HIBADH: variants seen among roughly 807,000 people sequenced by gnomAD.
The protein encoded by HIBADH is 3-hydroxyisobutyrate dehydrogenase.
A neutral mutation model predicts 36.1 loss-of-function variants in HIBADH; 25 were observed. The observed-to-expected ratio is 0.69, with a 90% CI of 0.50 to 0.97. The LOEUF (loss-of-function observed/expected upper bound fraction) is 0.97, where lower values mean the gene tolerates loss of function less well. Among genes scored for constraint, HIBADH ranks in the 50% least tolerant of loss-of-function variants. The pLI is 0.00. For synonymous variants in HIBADH, 160 were observed against 149.5 expected, an observed-to-expected ratio of 1.07 and a Z score of -0.51; for missense variants, 421 against 418.0, an observed-to-expected ratio of 1.01 and a Z score of -0.06.
At chr7:27,529,943 C>T (rs1225336179) in intron 7 of HIBADH, among the ~76,000 whole-genome samples, 2 of 152,170 alleles carry the variant, frequency 1.3e-5, no homozygotes, top group East Asian at 1.9e-4. Flanking sequence ...GACCTTCCAC[C>T]AGCAAAAAAG....
intron 4 of HIBADH, among the ~76,000 whole-genome samples, chr7:27,625,225 A>AC: frequency 6.6e-6 from 1 of 152,162 alleles, no homozygotes; most frequent in East Asian, 1.9e-4. Context: ...AGAAAGGCAT[A>AC]CCTTTTTCTT....
intron 4 of HIBADH, among the ~76,000 whole-genome samples, chr7:27,607,388 A>G (rs1785247587): frequency 6.6e-6 from 1 of 152,290 alleles, no homozygotes; most frequent in East Asian, 1.9e-4. Context: ...TCATGCCTAT[A>G]ATCCCAGCTA....
intron 2 of HIBADH, among the ~76,000 whole-genome samples, chr7:27,637,556 T>A (rs1261472897): frequency 6.6e-6 from 1 of 152,136 alleles, no homozygotes; most frequent in Admixed American, 6.6e-5. Flanking sequence ...GGATGCCCTA[T>A]CTCATCACTC....
intron 4 of HIBADH, among the ~76,000 whole-genome samples, chr7:27,588,652 A>G (rs1784898428): frequency 6.6e-6 from 1 of 152,234 alleles, no homozygotes; most frequent in South Asian, 2.1e-4. Context: ...ATTTTAAAAT[A>G]TATCATGAAA....
intron 4 of HIBADH, among the ~76,000 whole-genome samples, chr7:27,549,678 A>G (rs1275973330): frequency 6.6e-6 from 1 of 152,186 alleles, no homozygotes; most frequent in Non-Finnish European, 1.5e-5. Context: ...GATAAACTGA[A>G]TTGAAGCTTG....
At chr7:27,592,657 C>G (rs1339073907) in intron 4 of HIBADH, among the ~76,000 whole-genome samples, 1 of 152,138 alleles carries the variant, frequency 6.6e-6, no homozygotes, top group Non-Finnish European at 1.5e-5. Context: ...ATATCTATAT[C>G]TCTAGCTCAA....
At chr7:27,647,633 G>A (rs1289259325) in intron 2 of HIBADH, 1 of 305,876 alleles carries the variant, frequency 3.3e-6, no homozygotes, top group East Asian at 8.8e-5. Context: ...TTCATGCAGG[G>A]ATAAGCCTTA....
At chr7:27,649,775 A>G in intron 1 of HIBADH, 142 bp from the exon 2 acceptor site, 1 of 651,052 alleles carries the variant, frequency 1.5e-6, no homozygotes, top group Non-Finnish European at 2.4e-6. Flanking sequence ...GTGCACACCT[A>G]TAATCCCAGC....
intron 6 of HIBADH, among the ~76,000 whole-genome samples, chr7:27,532,807 T>C (rs969770457): frequency 2.6e-5 from 4 of 152,232 alleles, no homozygotes; most frequent in Non-Finnish European, 5.9e-5. Flanking sequence ...ACTGCATGCA[T>C]AGTATGCTAC....
chr7:27,649,253 C>A (rs1269713593), intron 2 of HIBADH: 1 of 386,722 alleles, frequency 2.6e-6, no homozygotes, highest in Non-Finnish European at 4.5e-6. Flanking sequence ...GCAAAATGTT[C>A]CAAGTCACCT....
intron 6 of HIBADH, among the ~76,000 whole-genome samples, chr7:27,534,171 T>A (rs1784040100): frequency 6.6e-6 from 1 of 152,174 alleles, no homozygotes; most frequent in East Asian, 1.9e-4. Context: ...TGCAAAAAAA[T>A]TTAAAAAATT....
chr7:27,570,710 G>A (rs535258663), intron 4 of HIBADH, among the ~76,000 whole-genome samples: 4 of 151,988 alleles, frequency 2.6e-5, no homozygotes, highest in East Asian at 3.9e-4. Context: ...TGCTGGGGGC[G>A]GTGGGGGGAG....
chr7:27,646,398 C>T (rs538239806), intron 2 of HIBADH, among the ~76,000 whole-genome samples: 3 of 152,340 alleles, frequency 2.0e-5, no homozygotes, highest in East Asian at 3.9e-4. Context: ...TTGGCTCTTG[C>T]TATTCATTCA....
Position 27,526,228 on chromosome 7 carries a change from C to G in HIBADH, c.997G>C (p.Glu333Gln). 1 of 1,610,722 alleles carries G rather than the reference C, an allele frequency of 6.2e-7. No individual in the cohort carries two copies. The highest frequency in any genetic ancestry group is 1.1e-5 in the South Asian group (1 of 90,392). ...AAAGGGCACACTCAGAAGGTCTCCT[C>G]CTCTCGTAGGAACTGGAACACGGAT... ...FSSVFQFLREEETF is the reference protein window; with the variant it reads ...FSSVFQFLREQETF The change falls in exon 8 of 8, where the codon GAG becomes CAG. Residue 333 changes from glutamate to glutamine, a missense_variant. Coordinates refer to ENST00000265395, the MANE Select transcript of HIBADH (RefSeq NM_152740.4).
chr7:27,638,363 A>G (rs1359611506), intron 2 of HIBADH, among the ~76,000 whole-genome samples: 2 of 150,240 alleles, frequency 1.3e-5, no homozygotes, highest in African/African-American at 4.9e-5. Flanking sequence ...CTATTCAATA[A>G]ATGGTGCTGG....
intron 4 of HIBADH, among the ~76,000 whole-genome samples, chr7:27,600,659 A>G (rs751491065): frequency 7.2e-5 from 11 of 152,270 alleles, no homozygotes; most frequent in Non-Finnish European, 1.3e-4. Context: ...AATTTAGTAT[A>G]TAACGAGCCA....
intron 4 of HIBADH, among the ~76,000 whole-genome samples, chr7:27,594,221 G>A (rs1472651642): frequency 6.8e-6 from 1 of 147,958 alleles, no homozygotes; most frequent in African/African-American, 2.5e-5. Context: ...TCAGCTCACT[G>A]CAACCTCCTC....
chr7:27,613,310 A>G (rs905588501), intron 4 of HIBADH, among the ~76,000 whole-genome samples: 4 of 147,390 alleles, frequency 2.7e-5, no homozygotes, highest in Non-Finnish European at 5.9e-5. Flanking sequence ...TGTTTTATAT[A>G]TATATATATA....
chr7:27,581,372 A>G (rs1784786104), intron 4 of HIBADH, among the ~76,000 whole-genome samples: 1 of 152,180 alleles, frequency 6.6e-6, no homozygotes, highest in Admixed American at 6.5e-5. Context: ...TAGGGAAGGA[A>G]GCTAGGACAT....
Sources: allele counts gnomAD v4.1 joint callset (sites outside exome capture counted in the v4.1 genomes callset), GRCh38; gene constraint gnomAD v4.1.1; transcripts MANE v1.5; gene names NCBI Gene and HGNC (gene_info 2026-07-23, HGNC 2026-07-21).